Variants in DLG2 observed in about 807,000 individuals in gnomAD.
DLG2 encodes the protein disks large homolog 2.
In DLG2, 45 loss-of-function variants were observed where a neutral mutation model predicts 132.5. That is an observed-to-expected ratio of 0.34 (90% CI 0.27 to 0.44). The LOEUF is 0.44. Among genes scored for constraint, DLG2 ranks in the 20% least tolerant of loss-of-function variants. The pLI, the probability that DLG2 is intolerant of heterozygous loss-of-function variation, is 1.00. For missense variants in DLG2, 1,045 were observed against 1,196.9 expected (o/e 0.87, Z 1.87); for synonymous variants, 424 against 419.6 (o/e 1.01, Z -0.13).
At chr11:85,021,286 A>T (rs1342644794) in intron 6 of DLG2, 39 of 1,269,658 alleles carry the variant, frequency 3.1e-5, no homozygotes, top group Non-Finnish European at 4.5e-5. Context: ...GTGACTGTAC[A>T]TCCTATCATA....
At chr11:84,862,520 C>T (rs1028494531) in intron 6 of DLG2, among the ~76,000 whole-genome samples, 3 of 152,048 alleles carry the variant, frequency 2.0e-5, no homozygotes, top group Non-Finnish European at 4.4e-5. Context: ...CACATGCACA[C>T]GTATGTTTAT....
chr11:83,665,326 A>C (rs546124991), intron 18 of DLG2, among the ~76,000 whole-genome samples: 13 of 152,194 alleles, frequency 8.5e-5, no homozygotes, highest in Admixed American at 3.9e-4. Context: ...TTCTTATGTC[A>C]AGTAGTGTGC....
intron 7 of DLG2, among the ~76,000 whole-genome samples, chr11:84,280,993 T>G (rs1486779479): frequency 1.3e-5 from 2 of 150,416 alleles, no homozygotes; most frequent in Non-Finnish European, 3.0e-5. Context: ...AGTGCTGGGA[T>G]TACAGGCGTG....
intron 12 of DLG2, among the ~76,000 whole-genome samples, chr11:83,968,298 C>T (rs921902463): frequency 6.6e-6 from 1 of 152,150 alleles, no homozygotes; most frequent in African/African-American, 2.4e-5. Flanking sequence ...GACTGTGGAA[C>T]TGGAGAGAAT....
rs111644735 is a variant in DLG2 at position 84,819,076 on chromosome 11, T to TACACACACACACACACACACAC, written c.358-284367_358-284346dup. ...TGGCCCACACTCCCTCACTCACAAA[T>TACACACACACACACACACACAC]ACACACACACACACACACACACACA... is the stretch of plus-strand genomic sequence containing the variant. On this transcript the variant is annotated intron_variant, in intron 6 of 27. Coordinates refer to ENST00000376104, the MANE Select transcript of DLG2 (RefSeq NM_001142699.3). Among the ~76,000 whole-genome samples the TACACACACACACACACACACAC allele has an allele frequency of 8.9e-3, 1,154 of 129,464 alleles. 14 individuals carry two copies. The highest frequency in any genetic ancestry group is 0.012 in the Non-Finnish European group (742 of 60,820). The allele number at this position is 129,464 out of a possible 152,430, so 84.9% of individuals were successfully genotyped here.
chr11:85,589,966 T>C (rs561247475), intron 3 of DLG2, among the ~76,000 whole-genome samples: 3 of 152,304 alleles, frequency 2.0e-5, no homozygotes, highest in Admixed American at 6.5e-5. Context: ...TTTAATATAG[T>C]ATAATAATAT....
chr11:85,487,869 T>G (rs568194136), intron 3 of DLG2, among the ~76,000 whole-genome samples: 18 of 152,308 alleles, frequency 1.2e-4, no homozygotes, highest in African/African-American at 4.1e-4. Context: ...ATAATCAGAC[T>G]GTCTAATATG....
chr11:85,210,344 C>T (rs771952806), intron 4 of DLG2, among the ~76,000 whole-genome samples: 1 of 152,092 alleles, frequency 6.6e-6, no homozygotes, highest in Non-Finnish European at 1.5e-5. Context: ...CCTTATCATG[C>T]ACACCAAACA....
chr11:83,925,723 C>T (rs925688574), intron 15 of DLG2, among the ~76,000 whole-genome samples: 1 of 152,058 alleles, frequency 6.6e-6, no homozygotes, highest in South Asian at 2.1e-4. Flanking sequence ...ATCTCAGCCT[C>T]TGTTATCAAC....
At chr11:84,058,539 T>TAATAAC (rs1446934724) in intron 11 of DLG2, among the ~76,000 whole-genome samples, 1 of 143,298 alleles carries the variant, frequency 7.0e-6, no homozygotes, top group African/African-American at 2.6e-5. Flanking sequence ...ATAATAATAA[T>TAATAAC]AACCACATGC....
At chr11:85,571,467 G>C (rs1281086555) in intron 3 of DLG2, among the ~76,000 whole-genome samples, 3 of 152,070 alleles carry the variant, frequency 2.0e-5, no homozygotes, top group Non-Finnish European at 4.4e-5. Flanking sequence ...AAACTCTTGT[G>C]TATGCTAGGA....
intron 3 of DLG2, among the ~76,000 whole-genome samples, chr11:85,321,238 G>A (rs955105248): frequency 6.6e-6 from 1 of 151,840 alleles, no homozygotes; most frequent in Non-Finnish European, 1.5e-5. Context: ...CTGGGCAAGT[G>A]GAAAAATTGA....
chr11:85,247,049 G>A (rs1253364903), intron 4 of DLG2, among the ~76,000 whole-genome samples: 1 of 151,160 alleles, frequency 6.6e-6, no homozygotes, highest in Non-Finnish European at 1.5e-5. Flanking sequence ...ATTATATGTT[G>A]ATAAAATTTA....
intron 3 of DLG2, among the ~76,000 whole-genome samples, chr11:85,379,539 T>C (rs559835381): frequency 6.6e-6 from 1 of 152,352 alleles, no homozygotes; most frequent in East Asian, 1.9e-4. Context: ...AAGTCTCTTC[T>C]TAGAGCTGGA....
At chr11:84,018,083 G>A (rs375245461) in intron 11 of DLG2, among the ~76,000 whole-genome samples, 3 of 151,712 alleles carry the variant, frequency 2.0e-5, no homozygotes, top group East Asian at 1.9e-4. Context: ...GTATGTTAAC[G>A]TTTTTGATTA....
chr11:85,397,753 T>C (rs565697687), intron 3 of DLG2, among the ~76,000 whole-genome samples: 2 of 152,218 alleles, frequency 1.3e-5, no homozygotes, highest in Non-Finnish European at 1.5e-5. Flanking sequence ...ATGCGCCCAA[T>C]ACAGGAGCAC....
chr11:85,091,882 T>C (rs2068840338), intron 6 of DLG2, among the ~76,000 whole-genome samples: 1 of 152,182 alleles, frequency 6.6e-6, no homozygotes, highest in African/African-American at 2.4e-5. Context: ...TTGGAATCAA[T>C]TTCTTCCAAA....
chr11:85,144,181 CCTT>C (rs2076684661), intron 5 of DLG2, among the ~76,000 whole-genome samples: 1 of 151,634 alleles, frequency 6.6e-6, no homozygotes, highest in Admixed American at 6.6e-5. Flanking sequence ...TATATAATGT[CCTT>C]CTTTGTCTCT....
chr11:84,949,905 T>C (rs917483347), intron 6 of DLG2, among the ~76,000 whole-genome samples: 8 of 152,162 alleles, frequency 5.3e-5, no homozygotes, highest in Admixed American at 4.6e-4. Context: ...ACTGGGGAAG[T>C]GATAAGTGTC....
Sources: allele counts gnomAD v4.1 joint callset (sites outside exome capture counted in the v4.1 genomes callset), GRCh38; gene constraint gnomAD v4.1.1; transcripts MANE v1.5; gene names NCBI Gene and HGNC (gene_info 2026-07-23, HGNC 2026-07-21).